FCHO2: variants seen among roughly 807,000 people sequenced by gnomAD.
The protein encoded by FCHO2 is FCH and mu domain containing endocytic adaptor 2.
In FCHO2, 43 loss-of-function variants were observed where a neutral mutation model predicts 114.1. The observed-to-expected ratio is 0.38, with a 90% CI of 0.30 to 0.49. The LOEUF (loss-of-function observed/expected upper bound fraction) is 0.49. FCHO2 is among the 20% of genes least tolerant of loss of function. The probability of loss-of-function intolerance (pLI) is 0.97; values close to 1 mark genes in which losing one functional copy is unlikely to be tolerated. For missense variants in FCHO2, 807 were observed against 950.4 expected (o/e 0.85, Z 1.98); for synonymous variants, 293 against 315.2 (o/e 0.93, Z 0.75).
rs57213367 is a variant in FCHO2, at chr5:73,056,078, A to G, written c.1224A>G (p.Thr408=). The G allele has an allele frequency of 0.14, 208,296 of 1,517,286 alleles. 16,837 individuals are homozygous for G. Among genetic ancestry groups the G allele is most frequent in the East Asian group, 0.36 (14,288 of 40,142 alleles). 94.0% of individuals were successfully genotyped at this position (1,517,286 alleles called of 1,614,324 possible). The change falls in exon 16 of 26, where the codon ACA becomes ACG. Residue 408 remains threonine, a synonymous_variant. Coordinates refer to ENST00000430046, the MANE Select transcript of FCHO2 (RefSeq NM_138782.3). ...TTTTTTAATTAGATGAGGAGTTAAC[A>G]AAATCAAAGCCATCTGCTCCACCCA... is the stretch of plus-strand genomic sequence containing the variant. ...MNRNLSNEEL[T]KSKPSAPPNE... is the part of the protein sequence containing the mutation.
chr5:73,031,552 G>GTAAGT (rs1756243355), intron 8 of FCHO2, among the ~76,000 whole-genome samples: 1 of 152,180 alleles, frequency 6.6e-6, no homozygotes, highest in Non-Finnish European at 1.5e-5. Flanking sequence ...TTACCGTTCA[G>GTAAGT]TAAGTTGCTT....
intron 2 of FCHO2, among the ~76,000 whole-genome samples, chr5:72,980,601 A>G (rs774677847): frequency 7.2e-5 from 11 of 152,222 alleles, no homozygotes; most frequent in South Asian, 2.1e-4. Context: ...GTAGGTCTCA[A>G]AGAACTTGCT....
intron 11 of FCHO2, among the ~76,000 whole-genome samples, chr5:73,046,149 T>C (rs1174688534): frequency 6.6e-6 from 1 of 152,162 alleles, no homozygotes; most frequent in Non-Finnish European, 1.5e-5. Flanking sequence ...ACCACAGCCT[T>C]GAACTCCTTG....
At chr5:72,975,604 A>G (rs1244567842) in intron 2 of FCHO2, among the ~76,000 whole-genome samples, 1 of 152,096 alleles carries the variant, frequency 6.6e-6, no homozygotes, top group Non-Finnish European at 1.5e-5. Context: ...TCCTAAGTTC[A>G]AGCAATTCTT....
At chr5:72,958,731 G>A (rs1751694172) in intron 1 of FCHO2, among the ~76,000 whole-genome samples, 1 of 152,122 alleles carries the variant, frequency 6.6e-6, no homozygotes, top group African/African-American at 2.4e-5. Flanking sequence ...TTAGGCATTA[G>A]GTTTTACAAT....
intron 1 of FCHO2, among the ~76,000 whole-genome samples, chr5:72,957,219 T>G (rs1232333602): frequency 1.3e-5 from 2 of 149,590 alleles, no homozygotes; most frequent in African/African-American, 4.9e-5. Flanking sequence ...TTAAACAGCT[T>G]TATTGAGTTC....
intron 5 of FCHO2, among the ~76,000 whole-genome samples, chr5:73,005,182 T>G (rs1754652092): frequency 6.6e-6 from 1 of 152,150 alleles, no homozygotes; most frequent in African/African-American, 2.4e-5. Flanking sequence ...AAGTTGCTTG[T>G]TTAGGGAGTA....
At position 73,074,762 on chromosome 5, in the gene FCHO2, C is replaced by T; in HGVS notation, c.1600C>T (p.Pro534Ser). 2 of 1,612,686 alleles carry T rather than the reference C, an allele frequency of 1.2e-6. No individual in the cohort carries two copies. Among genetic ancestry groups the T allele is most frequent in the Non-Finnish European group, 1.7e-6 (2 of 1,179,352 alleles). Residue 534 changes from proline to serine, a missense_variant, in exon 20 of 26, where the codon CCT becomes TCT. By Grantham distance (74) the Pro-to-Ser change is moderately conservative. Coordinates refer to ENST00000430046, the MANE Select transcript of FCHO2 (RefSeq NM_138782.3). ...PTVGVSRGPS[P>S]VSLGNQDTLP... ...TCTAGGTGTGTCACGGGGTCCCAGCCCTGTCAGCCTTGGAAATCAGGATAC... is the reference window on the plus strand; with the variant it reads ...TCTAGGTGTGTCACGGGGTCCCAGCTCTGTCAGCCTTGGAAATCAGGATAC...
chr5:73,027,888 G>A (rs541498949), intron 8 of FCHO2, among the ~76,000 whole-genome samples: 1 of 152,126 alleles, frequency 6.6e-6, no homozygotes, highest in East Asian at 1.9e-4. Context: ...TTAATAGAGT[G>A]ATAAAAATTT....
chr5:72,994,101 A>G (rs1285831856), intron 5 of FCHO2, among the ~76,000 whole-genome samples: 2 of 152,218 alleles, frequency 1.3e-5, no homozygotes, highest in East Asian at 1.9e-4. Context: ...CAAAGACACC[A>G]AAAGCAATTG....
intron 8 of FCHO2, among the ~76,000 whole-genome samples, chr5:73,025,025 G>C (rs908394046): frequency 6.6e-6 from 1 of 152,058 alleles, no homozygotes; most frequent in Non-Finnish European, 1.5e-5. Flanking sequence ...GGCTTTCGTA[G>C]AGTCACTAAA....
intron 2 of FCHO2, among the ~76,000 whole-genome samples, chr5:72,979,180 T>C (rs573878942): frequency 1.1e-3 from 173 of 152,178 alleles, no homozygotes; most frequent in African/African-American, 4.0e-3. Context: ...AGTTTCAGAA[T>C]GAATGGTACC....
chr5:72,981,967 C>T (rs1036727833), intron 2 of FCHO2, among the ~76,000 whole-genome samples: 1 of 152,206 alleles, frequency 6.6e-6, no homozygotes, highest in Admixed American at 6.5e-5. Flanking sequence ...CAAACTCATT[C>T]TCCATCCAGT....
chr5:73,049,714 A>G (rs1304642524), intron 11 of FCHO2, among the ~76,000 whole-genome samples: 1 of 152,188 alleles, frequency 6.6e-6, no homozygotes, highest in Non-Finnish European at 1.5e-5. Context: ...CCCTTCTTGA[A>G]GCTGTTAAAA....
chr5:73,077,836 C>T (rs1742964074), intron 21 of FCHO2, among the ~76,000 whole-genome samples: 1 of 152,138 alleles, frequency 6.6e-6, no homozygotes, highest in Non-Finnish European at 1.5e-5. Context: ...GGTGACAGAG[C>T]TAGACCCTGT....
At chr5:72,978,470 A>G (rs1432936853) in intron 2 of FCHO2, among the ~76,000 whole-genome samples, 1 of 152,058 alleles carries the variant, frequency 6.6e-6, no homozygotes, top group Non-Finnish European at 1.5e-5. Flanking sequence ...TATCCTGAGA[A>G]TTTACTGAAG....
intron 8 of FCHO2, among the ~76,000 whole-genome samples, chr5:73,020,244 A>G (rs1357422317): frequency 6.6e-6 from 1 of 152,240 alleles, no homozygotes; most frequent in African/African-American, 2.4e-5. Context: ...CTAAGCAAAC[A>G]GTATGTTGGA....
chr5:73,060,932 C>T (rs185933154), intron 17 of FCHO2, among the ~76,000 whole-genome samples: 54 of 151,706 alleles, frequency 3.6e-4, no homozygotes, highest in Non-Finnish European at 4.6e-4. Context: ...AAATATCTTA[C>T]GCCTACCTCC....
intron 18 of FCHO2, among the ~76,000 whole-genome samples, chr5:73,066,938 AT>A (rs950368335): frequency 5.9e-5 from 9 of 151,982 alleles, no homozygotes; most frequent in Non-Finnish European, 8.8e-5. Flanking sequence ...GCAACATATA[AT>A]TTAAAGTTTT....
Sources: allele counts gnomAD v4.1 joint callset (sites outside exome capture counted in the v4.1 genomes callset), GRCh38; gene constraint gnomAD v4.1.1; transcripts MANE v1.5; gene names NCBI Gene and HGNC (gene_info 2026-07-23, HGNC 2026-07-21).